Variants in SMIM26 observed in about 807,000 individuals in gnomAD.
The protein encoded by SMIM26 is long intergenic non-protein coding RNA 493.
Under a neutral mutation model 2.5 loss-of-function variants are expected in SMIM26, and 2 were observed. The observed-to-expected ratio is 0.80, with a 90% CI of 0.33 to 2.53. The LOEUF is 2.53. SMIM26 is among the 30% of genes most tolerant of loss of function. The probability of loss-of-function intolerance (pLI) is 0.11; values close to 1 mark genes in which losing one functional copy is unlikely to be tolerated. For missense variants in SMIM26, 77 were observed against 46.1 expected, an observed-to-expected ratio of 1.67 and a Z score of -1.94; for synonymous variants, 32 against 17.8, an observed-to-expected ratio of 1.80 and a Z score of -2.01.
intron 1 of SMIM26, among the ~76,000 whole-genome samples, 167 bp downstream of exon 1, chr20:18,567,763 A>G (rs537106683): frequency 6.6e-6 from 1 of 152,374 alleles, no homozygotes; most frequent in African/African-American, 2.4e-5. Context: ...GCAAAGAACT[A>G]GACTCCAGGA....
At position 18,569,393 on chromosome 20, in the gene SMIM26, T is replaced by C. The variant is rs1198541362; in HGVS notation, c.276T>C (p.Gly92=). ...GGAAATCATGGACTGGTGGCCCTGGTACAGAACCATGACTGGCTGCTGAAT... is the reference window on the plus strand; with the variant it reads ...GGAAATCATGGACTGGTGGCCCTGGCACAGAACCATGACTGGCTGCTGAAT... ...NYWKSWTGGP[G]TEP The change falls in exon 2 of 2, where the codon GGT becomes GGC. Residue 92 remains glycine, a synonymous_variant. Transcript: ENST00000411646. The C allele has an allele frequency of 8.5e-6, 6 of 702,778 alleles. No homozygotes were observed. The Admixed American group carries it at 1.2e-4, about 14-fold the overall frequency. The allele number at this position is 702,778 out of a possible 1,614,324, so 43.5% of individuals were successfully genotyped here. A position where few individuals can be genotyped will look rare whatever the true frequency, so the allele number is the denominator to read the frequency against.
chr20:18,569,294 A>C lies in SMIM26; in HGVS notation c.177A>C (p.Lys59Asn). Residue 59 changes from lysine to asparagine, a missense_variant, in exon 2 of 2, where the codon AAA becomes AAC. Lys to Asn is a moderately conservative substitution (Grantham distance 94). Transcript: ENST00000411646. Reference protein sequence around the residue: ...EVPSELSERPKGFYVETVVTY... With the variant: ...EVPSELSERPNGFYVETVVTY... ...CCAGTGAACTCTCTGAACGCCCAAA[A>C]GGATTTTATGTGGAAACAGTTGTCA... The C allele has an allele frequency of 1.4e-6, 1 of 702,900 alleles. No homozygotes were observed. The allele number at this position is 702,900 out of a possible 1,614,324, so 43.5% of individuals were successfully genotyped here.
downstream of SMIM26, chr20:18,569,598 G>A (rs965401687): frequency 3.2e-5 from 16 of 495,048 alleles, no homozygotes; most frequent in South Asian, 4.2e-5. Flanking sequence ...TTTTTGAGAC[G>A]GAGTCTTGCT....
intron 1 of SMIM26, among the ~76,000 whole-genome samples, chr20:18,568,308 T>G (rs1294381945): frequency 6.6e-6 from 1 of 152,204 alleles, no homozygotes; most frequent in Non-Finnish European, 1.5e-5. Flanking sequence ...GTGATGAAGC[T>G]GTCAGTGGCC....
intron 1 of SMIM26, among the ~76,000 whole-genome samples, chr20:18,568,371 A>G (rs2060521408): frequency 6.6e-6 from 1 of 152,134 alleles, no homozygotes; most frequent in Non-Finnish European, 1.5e-5. Flanking sequence ...GGCCGGGTGC[A>G]GTGGCTCACG....
intron 1 of SMIM26, among the ~76,000 whole-genome samples, chr20:18,568,100 T>C (rs772976259): frequency 6.6e-6 from 1 of 152,064 alleles, no homozygotes; most frequent in Non-Finnish European, 1.5e-5. Context: ...GCTGAGGGGT[T>C]GGGGAGTTGG....
chr20:18,568,263 T>C (rs2060521116), intron 1 of SMIM26, among the ~76,000 whole-genome samples: 1 of 152,260 alleles, frequency 6.6e-6, no homozygotes, highest in Non-Finnish European at 1.5e-5. Flanking sequence ...CTCAGTAAAG[T>C]TGTTGTGTAA....
Position 18,569,528 on chromosome 20 carries a change from AATAAT to A in SMIM26, c.*126_*130del, listed in dbSNP as rs1330828380. On this transcript the variant is annotated 3_prime_UTR_variant, in exon 2 of 2. Transcript: ENST00000411646. ...AAATTTGCTGTAAAACATAATCACT[AATAAT>A]ATGCAATAAATATTTTCTTGAAGGA... 1 of 659,330 alleles carries A rather than the reference AATAAT, an allele frequency of 1.5e-6. No homozygotes were observed. The highest frequency in any genetic ancestry group is 1.8e-5 in the African/African-American group (1 of 54,698). 40.8% of individuals were successfully genotyped at this position (659,330 alleles called of 1,614,324 possible). A position where few individuals can be genotyped will look rare whatever the true frequency, so the allele number is the denominator to read the frequency against.
downstream of SMIM26, chr20:18,569,564 T>C: frequency 1.7e-6 from 1 of 598,402 alleles, no homozygotes; most frequent in Non-Finnish European, 2.9e-6. Flanking sequence ...AAGGAAACTA[T>C]CTGCGTTTTC....
chr20:18,567,711 A>G (rs757419909), intron 1 of SMIM26, 115 bp downstream of exon 1: 6 of 655,610 alleles, frequency 9.2e-6, no homozygotes, highest in Non-Finnish European at 1.7e-5. Flanking sequence ...CTGCAAAACT[A>G]ATTGAAACGG....
chr20:18,569,204 C>CTTTTT (rs11475239), intron 1 of SMIM26, 32 bp from the exon 2 acceptor site: 17 of 582,214 alleles, frequency 2.9e-5, no homozygotes, highest in South Asian at 4.0e-5. Flanking sequence ...TTCAGGTGTT[C>CTTTTT]TTTTTTTTTT....
rs2060517312 is a variant in SMIM26 at position 18,567,486 on chromosome 20, G to A, written c.8G>A (p.Arg3Gln). The A allele has an allele frequency of 2.8e-6, 2 of 702,926 alleles. No individual in the cohort carries two copies. The highest frequency in any genetic ancestry group is 5.2e-6 in the Non-Finnish European group (2 of 385,018). The allele number at this position is 702,926 out of a possible 1,614,324, so 43.5% of individuals were successfully genotyped here. Residue 3 changes from arginine to glutamine, a missense_variant, in exon 1 of 2, where the codon CGA becomes CAA. Transcript: ENST00000411646. ...GCACTCGCTGGCGTACCCATGTATC[G>A]AAATGAGTTCACGGCCTGGTACCGG... MY[R>Q]NEFTAWYRRM...
Position 18,567,560 on chromosome 20 carries a change from C to G in SMIM26, c.82C>G (p.Leu28Val), listed in dbSNP as rs925867607. The G allele has an allele frequency of 1.4e-6, 1 of 703,082 alleles. No individual in the cohort carries two copies. The highest frequency in any genetic ancestry group is 2.7e-5 in the East Asian group (1 of 37,282). The allele number at this position is 703,082 out of a possible 1,614,324, so 43.6% of individuals were successfully genotyped here. ...CGGCACCTGGTCTGTGTTGGGCTCA[C>G]TGCTTTACTATAGCCGGACAATGGC... ...GIGTWSVLGS[L>V]LYYSRTMAKS... Residue 28 changes from leucine (L) to valine (V), a missense_variant, in exon 1 of 2, where the codon CTG becomes GTG. By Grantham distance (32) the Leu-to-Val change is conservative (BLOSUM62 1). Coordinates refer to ENST00000411646, the MANE Select transcript of SMIM26 (RefSeq NM_001348957.2).
intron 1 of SMIM26, 136 bp from the exon 2 acceptor site, chr20:18,569,100 A>G: frequency 1.8e-6 from 1 of 559,556 alleles, no homozygotes; most frequent in Non-Finnish European, 3.2e-6. Context: ...CTTCCTTTTC[A>G]TTCCTTCCTT....
chr20:18,569,104 C>T (rs906620515), intron 1 of SMIM26, 132 bp from the exon 2 acceptor site: 2 of 562,248 alleles, frequency 3.6e-6, no homozygotes, highest in Non-Finnish European at 3.1e-6. Context: ...CTTTTCATTC[C>T]TTCCTTCATT....
rs1310283893 is a variant in SMIM26 at position 18,569,346 on chromosome 20, A to G, written c.229A>G (p.Thr77Ala). The G allele has an allele frequency of 1.4e-6, 1 of 702,958 alleles. No individual in the cohort carries two copies. The highest frequency in any genetic ancestry group is 2.0e-5 in the Admixed American group (1 of 50,006). The allele number at this position is 702,958 out of a possible 1,614,324, so 43.5% of individuals were successfully genotyped here. The part of the protein sequence containing the change: ...VTYKEDFVPN[T>A]EKILNYWKSW... The stretch of plus-strand genomic sequence containing the variant: ...ATATAAAGAAGATTTTGTTCCAAAT[A>G]CAGAAAAGATCCTCAACTATTGGAA... Residue 77 changes from threonine to alanine, a missense_variant, in exon 2 of 2, where the codon ACA becomes GCA. Thr to Ala is a moderately conservative substitution (Grantham distance 58). Coordinates refer to ENST00000411646, the MANE Select transcript of SMIM26 (RefSeq NM_001348957.2).
In SMIM26 at chr20:18,569,239, A is replaced by T. The variant is rs2060523925; in HGVS notation, c.122A>T (p.Asp41Val). The T allele has an allele frequency of 2.9e-6, 2 of 695,476 alleles. No individual in the cohort carries two copies. The highest frequency in any genetic ancestry group is 3.5e-5 in the African/African-American group (2 of 56,344). The allele number at this position is 695,476 out of a possible 1,614,324, so 43.1% of individuals were successfully genotyped here. The change falls in exon 2 of 2, where the codon GAC becomes GTC. Residue 41 changes from aspartate to valine, a missense_variant. Coordinates refer to ENST00000411646, the MANE Select transcript of SMIM26 (RefSeq NM_001348957.2). Reference sequence around the variant, plus strand: ...TTTTCTCTTAATGGTGATAAAGTAGACCAAAAGGATGGCTCAGCAAGTGAA... The same window carrying T: ...TTTTCTCTTAATGGTGATAAAGTAGTCCAAAAGGATGGCTCAGCAAGTGAA... ...YSRTMAKSSV[D>V]QKDGSASEVP... is the part of the protein sequence containing the mutation.
chr20:18,568,316 G>A (rs1311138064), intron 1 of SMIM26, among the ~76,000 whole-genome samples: 2 of 152,070 alleles, frequency 1.3e-5, no homozygotes, highest in East Asian at 3.8e-4. Context: ...GCTGTCAGTG[G>A]CCTGAAAGTA....
rs546309639 is a variant in SMIM26, at chr20:18,567,441, G to T, written c.-38G>T. ...CCTCACCGGAAGTCCCGCCTCTGCC[G>T]TGGGCCTGCGAGAATCGAGGCACTC... On this transcript the variant is annotated 5_prime_UTR_variant, in exon 1 of 2. Coordinates refer to ENST00000411646, the MANE Select transcript of SMIM26 (RefSeq NM_001348957.2). 463 of 702,720 alleles carry T rather than the reference G, an allele frequency of 6.6e-4. 4 individuals carry two copies. Among genetic ancestry groups the T allele is most frequent in the South Asian group, 6.3e-3 (427 of 67,586 alleles). The allele number at this position is 702,720 out of a possible 1,614,324, so 43.5% of individuals were successfully genotyped here.
Sources: allele counts gnomAD v4.1 joint callset (sites outside exome capture counted in the v4.1 genomes callset), GRCh38; gene constraint gnomAD v4.1.1; transcripts MANE v1.5; gene names NCBI Gene and HGNC (gene_info 2026-07-23, HGNC 2026-07-21).